Variants in JPH1 observed in about 807,000 individuals in gnomAD.
The protein encoded by JPH1 is junctophilin 1, also known as junctophilin-1.
In JPH1, 12 loss-of-function variants were observed where a neutral mutation model predicts 53.6. That is an observed-to-expected ratio of 0.22 (90% CI 0.14 to 0.36). JPH1 has a LOEUF of 0.36. JPH1 is among the 10% of genes least tolerant of loss of function. JPH1 has a pLI of 1.00. For missense variants in JPH1, 808 were observed against 905.5 expected, an observed-to-expected ratio of 0.89 and a Z score of 1.38; for synonymous variants, 375 against 363.8, an observed-to-expected ratio of 1.03 and a Z score of -0.35.
rs1806479201 is a variant in JPH1 at position 74,264,536 on chromosome 8, C to T, written c.1140-5033G>A. 2.0e-5 allele frequency among the ~76,000 whole-genome samples: 3 copies of T among 152,166 alleles called. No individual in the cohort carries two copies. In the South Asian group the frequency reaches 6.2e-4, roughly 32 times the overall value. On this transcript the variant is annotated intron_variant, in intron 2 of 5. Transcript: ENST00000342232. The stretch of plus-strand genomic sequence containing the variant: ...ATAATATAAAATGTAAACTATTATG[C>T]CCCGTGTTACACTAAGGGACATAAT...
chr8:74,302,120 T>C (rs138910254), intron 2 of JPH1, among the ~76,000 whole-genome samples: 2 of 152,358 alleles, frequency 1.3e-5, no homozygotes, highest in East Asian at 1.9e-4. Flanking sequence ...ACTCAAGACC[T>C]GTTGGGTCTT....
Position 74,314,943 on chromosome 8 carries a change from T to C in JPH1, c.1057A>G (p.Arg353Gly), listed in dbSNP as rs1245765820. ...QLIPIRHTKT[R>G]EKVDRAIEGA... Reference sequence around the variant, plus strand: ...TCAATTGCTCTGTCCACCTTCTCCCTAGTTTTTGTATGTCTTATTGGTATA... The same window carrying C: ...TCAATTGCTCTGTCCACCTTCTCCCCAGTTTTTGTATGTCTTATTGGTATA... Residue 353 changes from arginine to glycine, a missense_variant, in exon 2 of 6, where the codon AGG (arginine) becomes GGG (glycine). This residue lies in a region of JPH1 where 756 missense variants were observed against 811.9 expected (regional missense o/e 0.93). Transcript: ENST00000342232. 1 of 1,614,248 alleles carries C rather than the reference T, an allele frequency of 6.2e-7. No individual in the cohort carries two copies. Among genetic ancestry groups the C allele is most frequent in the East Asian group, 2.2e-5 (1 of 44,886 alleles).
chr8:74,246,601 G>GAA (rs5892445), intron 3 of JPH1, among the ~76,000 whole-genome samples: 24 of 151,462 alleles, frequency 1.6e-4, no homozygotes, highest in South Asian at 2.1e-4. Context: ...TATAGCAACT[G>GAA]AAAAAAAAAT....
intron 2 of JPH1, among the ~76,000 whole-genome samples, chr8:74,313,606 T>C (rs964925857): frequency 6.8e-6 from 1 of 147,144 alleles, no homozygotes; most frequent in Non-Finnish European, 1.5e-5. Context: ...GATGTCACCA[T>C]TTTTTTTTGT....
intron 2 of JPH1, among the ~76,000 whole-genome samples, chr8:74,262,084 T>C (rs1806411509): frequency 6.6e-6 from 1 of 152,180 alleles, no homozygotes; most frequent in South Asian, 2.1e-4. Flanking sequence ...AGGACCTTTC[T>C]ATCCAGCCCA....
chr8:74,286,555 C>G (rs770597773), intron 2 of JPH1, among the ~76,000 whole-genome samples: 36 of 84,922 alleles, frequency 4.2e-4, no homozygotes, highest in Non-Finnish European at 6.5e-4. Flanking sequence ...ATTGGCCAAC[C>G]TCTCCTGATC....
At chr8:74,237,388 A>G (rs781097791) in intron 4 of JPH1, 85 bp from the exon 5 acceptor site, 18 of 1,090,104 alleles carry the variant, frequency 1.7e-5, no homozygotes, top group Non-Finnish European at 2.2e-5. Flanking sequence ...AAAAAATGAG[A>G]AAGTTAACAT....
chr8:74,252,199 G>T (rs1806086398), intron 3 of JPH1, among the ~76,000 whole-genome samples: 1 of 152,244 alleles, frequency 6.6e-6, no homozygotes, highest in African/African-American at 2.4e-5. Flanking sequence ...TTACATGTTA[G>T]ACCTAAAACC....
intron 2 of JPH1, among the ~76,000 whole-genome samples, chr8:74,306,255 C>T (rs757202789): frequency 6.6e-6 from 1 of 152,158 alleles, no homozygotes; most frequent in Admixed American, 6.5e-5. Flanking sequence ...CAGGACAGAG[C>T]TGGCACCTAG....
At chr8:74,299,199 C>T (rs1452810991) in intron 2 of JPH1, among the ~76,000 whole-genome samples, 2 of 151,464 alleles carry the variant, frequency 1.3e-5, no homozygotes, top group Non-Finnish European at 3.0e-5. Context: ...GAAGTCATTC[C>T]AGAGCAACTC....
At chr8:74,245,261 T>TA in intron 3 of JPH1, 86 bp from the exon 4 acceptor site, 1 of 1,133,572 alleles carries the variant, frequency 8.8e-7, no homozygotes, top group African/African-American at 1.6e-5. Flanking sequence ...TTTTCTCTTT[T>TA]AAAAATAATA....
chr8:74,284,966 A>T (rs2131424035), intron 2 of JPH1, among the ~76,000 whole-genome samples: 1 of 152,098 alleles, frequency 6.6e-6, no homozygotes, highest in Admixed American at 6.5e-5. Flanking sequence ...CTGGGATTAC[A>T]GGCAGGTGCC....
At chr8:74,237,085 T>C (rs553850994) in intron 5 of JPH1, 50 bp from the exon 6 acceptor site, 6 of 657,234 alleles carry the variant, frequency 9.1e-6, no homozygotes, top group South Asian at 8.0e-5. Context: ...TTGAATCACA[T>C]TCAGGCATAG....
chr8:74,309,704 AG>A (rs1310373485), intron 2 of JPH1, among the ~76,000 whole-genome samples: 1 of 152,262 alleles, frequency 6.6e-6, no homozygotes, highest in African/African-American at 2.4e-5. Context: ...TTAAAATGAC[AG>A]GAACAGCTGA....
chr8:74,261,321 G>T (rs1806389559), intron 2 of JPH1, among the ~76,000 whole-genome samples: 1 of 152,082 alleles, frequency 6.6e-6, no homozygotes, highest in African/African-American at 2.4e-5. Context: ...TAATAATAGG[G>T]GATATTGTGT....
chr8:74,276,126 G>A (rs1422259522), intron 2 of JPH1, among the ~76,000 whole-genome samples: 1 of 152,148 alleles, frequency 6.6e-6, no homozygotes, highest in African/African-American at 2.4e-5. Context: ...AAGAGAAAGT[G>A]TATATTCTTT....
intron 4 of JPH1, among the ~76,000 whole-genome samples, chr8:74,237,836 C>T (rs1381561576): frequency 1.3e-5 from 2 of 152,214 alleles, no homozygotes; most frequent in East Asian, 3.9e-4. Flanking sequence ...TAAGTAAAAG[C>T]TGTAAGTGAG....
At chr8:74,249,306 T>C (rs1406645134) in intron 3 of JPH1, among the ~76,000 whole-genome samples, 4 of 152,178 alleles carry the variant, frequency 2.6e-5, no homozygotes, top group African/African-American at 9.7e-5. Flanking sequence ...ATTAGACATT[T>C]TCTGTGGAGA....
intron 2 of JPH1, among the ~76,000 whole-genome samples, chr8:74,279,003 ACACG>A (rs1444460515): frequency 1.3e-5 from 2 of 151,788 alleles, no homozygotes; most frequent in Non-Finnish European, 2.9e-5. Context: ...ACACACACAC[ACACG>A]CATACACACA....
Sources: allele counts gnomAD v4.1 joint callset (sites outside exome capture counted in the v4.1 genomes callset), GRCh38; gene constraint gnomAD v4.1.1; regional missense constraint gnomAD v4.1.1; transcripts MANE v1.5; gene names NCBI Gene and HGNC (gene_info 2026-07-23, HGNC 2026-07-21).